CCDC85A: variants seen among roughly 807,000 people sequenced by gnomAD.
The protein encoded by CCDC85A is coiled-coil domain-containing protein 85A.
A neutral mutation model predicts 50.2 loss-of-function variants in CCDC85A; 38 were observed. The observed-to-expected ratio is 0.76, with a 90% CI of 0.58 to 0.99. The LOEUF (loss-of-function observed/expected upper bound fraction) is 0.99, where lower values mean the gene tolerates loss of function less well. CCDC85A is among the 50% of genes least tolerant of loss of function. The pLI is 0.00. For synonymous variants in CCDC85A, 366 were observed against 301.4 expected, an observed-to-expected ratio of 1.21 and a Z score of -2.22; for missense variants, 820 against 742.0, an observed-to-expected ratio of 1.11 and a Z score of -1.22.
intron 2 of CCDC85A, among the ~76,000 whole-genome samples, chr2:56,252,843 C>T (rs1033053060): frequency 6.6e-6 from 1 of 151,982 alleles, no homozygotes; most frequent in Non-Finnish European, 1.5e-5. Context: ...TGGTTTCCAG[C>T]TTCATCCATG....
At chr2:56,370,293 T>C (rs1676006526) in intron 3 of CCDC85A, among the ~76,000 whole-genome samples, 1 of 152,144 alleles carries the variant, frequency 6.6e-6, no homozygotes, top group Non-Finnish European at 1.5e-5. Context: ...TTGGTGATTG[T>C]AGGCCCTGCG....
In CCDC85A at chr2:56,343,556, T is replaced by C. The variant is rs368648880; in HGVS notation, c.1317+601T>C. Reference sequence around the variant, plus strand: ...CCCATACGTTTCACTTATAAAATTCTTTCCATGGGCTGTTAACTTGATGAG... The same window carrying C: ...CCCATACGTTTCACTTATAAAATTCCTTCCATGGGCTGTTAACTTGATGAG... On this transcript the variant is annotated intron_variant, in intron 3 of 5. Coordinates refer to ENST00000407595, the MANE Select transcript of CCDC85A (RefSeq NM_001080433.2). Among the ~76,000 whole-genome samples, 162 of 152,342 alleles carry C rather than the reference T, an allele frequency of 1.1e-3. 1 individual carries two copies. The highest frequency in any genetic ancestry group is 3.3e-3 in the African/African-American group (139 of 41,584).
rs546654704 is a variant in CCDC85A, at chr2:56,332,817, A to G, written c.1241-10062A>G. Among the ~76,000 whole-genome samples, 9 of 152,298 alleles carry G rather than the reference A, an allele frequency of 5.9e-5. No homozygotes were observed. In the East Asian group the frequency reaches 1.5e-3, roughly 26 times the overall value. ...GAGAACCTGTCCAAAGTTTCCATCC[A>G]AAGTTTAATGTTCCATAGAGTGACT... On this transcript the variant is annotated intron_variant, in intron 2 of 5. Transcript: ENST00000407595.
At position 56,385,875 on chromosome 2, in the gene CCDC85A, T is replaced by C. The variant is rs2104415190; in HGVS notation, c.*1520T>C. 6.6e-6 allele frequency: 1 copy of C among 151,970 alleles called. No individual in the cohort carries two copies. Among genetic ancestry groups the C allele is most frequent in the East Asian group, 1.9e-4 (1 of 5,144 alleles). 9.4% of individuals were successfully genotyped at this position (151,970 alleles called of 1,614,324 possible). A position where few individuals can be genotyped will look rare whatever the true frequency, so the allele number is the denominator to read the frequency against. The stretch of plus-strand genomic sequence containing the variant: ...ATTTAAGCTCCCCTTTTAAATGTTA[T>C]ATTTTAAAATGTTATTACTCTATAA... On this transcript the variant is annotated 3_prime_UTR_variant, in exon 6 of 6. Coordinates refer to ENST00000407595, the MANE Select transcript of CCDC85A (RefSeq NM_001080433.2).
chr2:56,239,451 A>G (rs1669161492), intron 2 of CCDC85A, among the ~76,000 whole-genome samples: 1 of 152,126 alleles, frequency 6.6e-6, no homozygotes, highest in Admixed American at 6.6e-5. Flanking sequence ...TTAAAATAAC[A>G]TTGTAGCAAA....
intron 2 of CCDC85A, among the ~76,000 whole-genome samples, chr2:56,227,467 C>A (rs1350763146): frequency 6.6e-6 from 1 of 152,076 alleles, no homozygotes; most frequent in Non-Finnish European, 1.5e-5. Context: ...GCAGCAATAT[C>A]TTTCTTATGT....
intron 2 of CCDC85A, among the ~76,000 whole-genome samples, chr2:56,315,364 A>C (rs1029082089): frequency 2.0e-5 from 3 of 152,186 alleles, no homozygotes; most frequent in Non-Finnish European, 4.4e-5. Context: ...AGATTTTATA[A>C]AATAAACTTG....
In CCDC85A at chr2:56,236,294, A is replaced by G. The variant is rs565812236; in HGVS notation, c.1240+42854A>G. Reference sequence around the variant, plus strand: ...GAAGCTGCTCCCTGTGTTTGAGCAGAGAAGCAACACAATCATGGCCATTGA... The same window carrying G: ...GAAGCTGCTCCCTGTGTTTGAGCAGGGAAGCAACACAATCATGGCCATTGA... On this transcript the variant is annotated intron_variant, in intron 2 of 5. Transcript: ENST00000407595. 4.6e-5 allele frequency among the ~76,000 whole-genome samples: 7 copies of G among 152,328 alleles called. No homozygotes were observed. The East Asian group carries it at 1.4e-3, about 29-fold the overall frequency.
chr2:56,313,306 G>A (rs984489320), intron 2 of CCDC85A, among the ~76,000 whole-genome samples: 1 of 152,050 alleles, frequency 6.6e-6, no homozygotes, highest in Non-Finnish European at 1.5e-5. Flanking sequence ...AATCTCATGT[G>A]TGCTATATCT....
At chr2:56,231,101 T>G (rs1032565271) in intron 2 of CCDC85A, among the ~76,000 whole-genome samples, 3 of 152,202 alleles carry the variant, frequency 2.0e-5, no homozygotes, top group Non-Finnish European at 2.9e-5. Context: ...GAATACTACT[T>G]TGTCTTTATG....
At chr2:56,296,271 C>T (rs530978419) in intron 2 of CCDC85A, among the ~76,000 whole-genome samples, 7 of 152,226 alleles carry the variant, frequency 4.6e-5, no homozygotes, top group African/African-American at 7.2e-5. Flanking sequence ...TATCCCAAAG[C>T]GTCACTAATG....
chr2:56,209,896 A>T (rs1446851369), intron 2 of CCDC85A, among the ~76,000 whole-genome samples: 2 of 152,062 alleles, frequency 1.3e-5, no homozygotes, highest in Non-Finnish European at 2.9e-5. Flanking sequence ...TATATGTATG[A>T]CTTCCAAACT....
chr2:56,185,379 G>A (rs913508382), intron 1 of CCDC85A, among the ~76,000 whole-genome samples: 2 of 152,100 alleles, frequency 1.3e-5, no homozygotes, highest in Non-Finnish European at 1.5e-5. Flanking sequence ...AGCGGCTGGC[G>A]GGGCGCCCGG....
At chr2:56,263,381 T>A (rs1187839621) in intron 2 of CCDC85A, among the ~76,000 whole-genome samples, 1 of 152,256 alleles carries the variant, frequency 6.6e-6, no homozygotes, top group Non-Finnish European at 1.5e-5. Context: ...AATTTACTTT[T>A]TGCCTTGTGC....
At chr2:56,325,045 T>C (rs550930063) in intron 2 of CCDC85A, among the ~76,000 whole-genome samples, 163 of 152,228 alleles carry the variant, frequency 1.1e-3, no homozygotes, top group South Asian at 5.0e-3. Context: ...TTTTATCTTC[T>C]TTGAAAGTTA....
At chr2:56,215,940 T>C (rs1228480543) in intron 2 of CCDC85A, among the ~76,000 whole-genome samples, 1 of 151,948 alleles carries the variant, frequency 6.6e-6, no homozygotes, top group Non-Finnish European at 1.5e-5. Flanking sequence ...TAAACTTCAT[T>C]GTCCATAAAT....
intron 3 of CCDC85A, among the ~76,000 whole-genome samples, chr2:56,368,771 T>A (rs1246296884): frequency 6.6e-6 from 1 of 151,316 alleles, no homozygotes; most frequent in East Asian, 1.9e-4. Context: ...CTATTGAATG[T>A]GAGTTTTAGT....
intron 2 of CCDC85A, among the ~76,000 whole-genome samples, chr2:56,237,375 C>G (rs1669065057): frequency 1.3e-5 from 2 of 152,156 alleles, no homozygotes; most frequent in South Asian, 4.1e-4. Context: ...AGGCAGAAAG[C>G]AGGTGTCAGT....
At chr2:56,243,784 C>G (rs1280068776) in intron 2 of CCDC85A, among the ~76,000 whole-genome samples, 1 of 152,166 alleles carries the variant, frequency 6.6e-6, no homozygotes, top group Admixed American at 6.5e-5. Context: ...CTTAGGAAGG[C>G]TTTCCAGGTA....
Sources: gnomAD v4.1 joint callset for allele counts (sites outside exome capture counted in the v4.1 genomes callset) on GRCh38, gnomAD v4.1.1 for gene constraint, MANE v1.5 for transcripts, NCBI Gene and HGNC (gene_info 2026-07-23, HGNC 2026-07-21) for gene names.